The following YES1 variants were observed in gnomAD, a reference collection of about 807,000 sequenced individuals.
The protein encoded by YES1 is YES proto-oncogene 1, Src family tyrosine kinase.
In YES1, 39 loss-of-function variants were observed where a neutral mutation model predicts 70.4. The observed-to-expected ratio is 0.55, with a 90% confidence interval of 0.43 to 0.72. The LOEUF is 0.72. YES1 is among the 30% of genes least tolerant of loss of function. The pLI is 0.00. For missense variants in YES1, 495 were observed against 644.8 expected, an observed-to-expected ratio of 0.77 and a Z score of 2.52; for synonymous variants, 198 against 218.6, an observed-to-expected ratio of 0.91 and a Z score of 0.83.
chr18:809,049 TTTAA>T (rs1907239758), intron 1 of YES1, among the ~76,000 whole-genome samples: 2 of 152,260 alleles, frequency 1.3e-5, no homozygotes, highest in Admixed American at 1.3e-4. Flanking sequence ...AGTTTTGAGT[TTTAA>T]TTGTCATGTT....
rs903384145 is a variant in YES1 at position 723,086 on chromosome 18, C to G, written c.*1338G>C. The G allele has an allele frequency of 3.3e-5, 5 of 150,538 alleles. No individual in the cohort carries two copies. The highest frequency in any genetic ancestry group is 1.2e-4 in the African/African-American group (5 of 40,764). 9.3% of individuals were successfully genotyped at this position (150,538 alleles called of 1,614,324 possible). ...CAGCCTGGGCGACAGAGCGAGACTC[C>G]GTCTCAAAAAAGAAAACAAAAAAAA... On this transcript the variant is annotated 3_prime_UTR_variant, in exon 12 of 12. Transcript: ENST00000314574.
chr18:786,306 G>A (rs921075058), intron 1 of YES1, among the ~76,000 whole-genome samples: 1 of 152,018 alleles, frequency 6.6e-6, no homozygotes, highest in African/African-American at 2.4e-5. Context: ...ATCAAACATG[G>A]AGACTTTTTC....
intron 2 of YES1, among the ~76,000 whole-genome samples, chr18:755,576 G>A (rs910306242): frequency 1.3e-5 from 2 of 152,092 alleles, no homozygotes; most frequent in African/African-American, 4.8e-5. Flanking sequence ...GGTCCAGTTG[G>A]AACAGACTGA....
intron 1 of YES1, among the ~76,000 whole-genome samples, chr18:795,920 C>G (rs887830877): frequency 6.6e-6 from 1 of 151,624 alleles, no homozygotes; most frequent in East Asian, 1.9e-4. Context: ...TAAACACACA[C>G]ACACACACAC....
rs1007912971 is a variant in YES1 at position 721,825 on chromosome 18, G to A, written c.*2599C>T. On this transcript the variant is annotated 3_prime_UTR_variant, in exon 12 of 12. Coordinates refer to ENST00000314574, the MANE Select transcript of YES1 (RefSeq NM_005433.4). Reference sequence around the variant, plus strand: ...TACTTTATAAAAATATTAAGTTTAGGCTACCATTATTCATTTAAAAAAGTG... The same window carrying A: ...TACTTTATAAAAATATTAAGTTTAGACTACCATTATTCATTTAAAAAAGTG... 17 of 152,474 alleles carry A rather than the reference G, an allele frequency of 1.1e-4. No individual in the cohort carries two copies. The highest frequency in any genetic ancestry group is 4.1e-4 in the African/African-American group (17 of 41,370). 9.4% of individuals were successfully genotyped at this position (152,474 alleles called of 1,614,324 possible).
At chr18:804,781 G>A (rs1174164941) in intron 1 of YES1, among the ~76,000 whole-genome samples, 1 of 151,246 alleles carries the variant, frequency 6.6e-6, no homozygotes, top group Non-Finnish European at 1.5e-5. Flanking sequence ...GGGTGTGGTG[G>A]CACACGCCTG....
intron 1 of YES1, among the ~76,000 whole-genome samples, chr18:800,717 T>C (rs1172949821): frequency 2.6e-5 from 4 of 152,244 alleles, no homozygotes; most frequent in Non-Finnish European, 4.4e-5. Flanking sequence ...TGGTAGCTTC[T>C]GATGAGACTC....
At chr18:756,111 G>A (rs1568198710) in intron 2 of YES1, among the ~76,000 whole-genome samples, 1 of 152,112 alleles carries the variant, frequency 6.6e-6, no homozygotes, top group Non-Finnish European at 1.5e-5. Context: ...TAAATCAGCA[G>A]CATCTGGGAG....
rs556616249 is a variant in YES1, at chr18:782,951, C to T, written c.-8-26116G>A. Among the ~76,000 whole-genome samples the T allele has an allele frequency of 1.4e-4, 21 of 152,250 alleles. 1 individual carries two copies. The highest frequency in any genetic ancestry group is 1.0e-3 in the South Asian group (5 of 4,826). ...CCTGTCTTGGCCTCCCGAAGTGCTG[C>T]GATTACAGGCGTGAGCCATCACGCT... On this transcript the variant is annotated intron_variant, in intron 1 of 11. Coordinates refer to ENST00000314574, the MANE Select transcript of YES1 (RefSeq NM_005433.4).
At chr18:755,613 C>G (rs1186051574) in intron 2 of YES1, among the ~76,000 whole-genome samples, 1 of 152,074 alleles carries the variant, frequency 6.6e-6, no homozygotes, top group Non-Finnish European at 1.5e-5. Context: ...TCAGTCTATG[C>G]TTGTAGTGGG....
At position 722,133 on chromosome 18, in the gene YES1, A is replaced by G. The variant is rs1002397992; in HGVS notation, c.*2291T>C. 1.3e-5 allele frequency: 2 copies of G among 152,618 alleles called. No homozygotes were observed. Among genetic ancestry groups the G allele is most frequent in the Non-Finnish European group, 2.9e-5 (2 of 68,032 alleles). The allele number at this position is 152,618 out of a possible 1,614,324, so 9.5% of individuals were successfully genotyped here. A position where few individuals can be genotyped will look rare whatever the true frequency, so the allele number is the denominator to read the frequency against. On this transcript the variant is annotated 3_prime_UTR_variant, in exon 12 of 12. Transcript: ENST00000314574. ...TTTCCTGATTAGATTTAGTACATAA[A>G]CGTAATTTTGTCACCCTTTTGAATA...
intron 10 of YES1, 163 bp downstream of exon 10, chr18:736,645 T>C (rs2080156468): frequency 2.2e-6 from 2 of 918,924 alleles, no homozygotes; most frequent in Non-Finnish European, 3.0e-6. Context: ...GAAATAACTA[T>C]CAGAAAGCCA....
chr18:762,728 GA>G (rs1904659907), intron 1 of YES1, among the ~76,000 whole-genome samples: 1 of 151,872 alleles, frequency 6.6e-6, no homozygotes, highest in Non-Finnish European at 1.5e-5. Flanking sequence ...CCATTTAACC[GA>G]ACACCACTTG....
chr18:802,984 T>C (rs1487568676), intron 1 of YES1, among the ~76,000 whole-genome samples: 6 of 152,160 alleles, frequency 3.9e-5, no homozygotes, highest in Non-Finnish European at 8.8e-5. Context: ...TCCCAGCACT[T>C]TGGGAGGCCG....
intron 3 of YES1, among the ~76,000 whole-genome samples, chr18:748,460 G>C (rs761308729): frequency 3.4e-5 from 5 of 149,170 alleles, no homozygotes; most frequent in Non-Finnish European, 7.4e-5. Flanking sequence ...TTACAGAGTT[G>C]TACAACCATT....
intron 11 of YES1, among the ~76,000 whole-genome samples, chr18:730,194 T>A (rs976891391): frequency 6.6e-6 from 1 of 152,052 alleles, no homozygotes; most frequent in Non-Finnish European, 1.5e-5. Flanking sequence ...CCAACATCTA[T>A]CCAGTTTGGC....
At chr18:777,174 G>C (rs1451299720) in intron 1 of YES1, among the ~76,000 whole-genome samples, 2 of 152,140 alleles carry the variant, frequency 1.3e-5, no homozygotes, top group Non-Finnish European at 2.9e-5. Flanking sequence ...GTACAACATA[G>C]AAGAACAAGA....
chr18:739,675 T>C, intron 9 of YES1, 60 bp downstream of exon 9: 1 of 1,288,738 alleles, frequency 7.8e-7, no homozygotes, highest in South Asian at 1.4e-5. Context: ...TCTGGTAAGA[T>C]TATTCCACAT....
At chr18:757,886 G>C (rs893825578) in intron 1 of YES1, among the ~76,000 whole-genome samples, 3 of 150,764 alleles carry the variant, frequency 2.0e-5, no homozygotes, top group African/African-American at 7.3e-5. Context: ...AAAAGAAAAA[G>C]AAAGAAAACA....
Sources: gnomAD v4.1 joint callset for allele counts (sites outside exome capture counted in the v4.1 genomes callset) on GRCh38, gnomAD v4.1.1 for gene constraint, MANE v1.5 for transcripts, NCBI Gene and HGNC (gene_info 2026-07-23, HGNC 2026-07-21) for gene names.